RASGEF1C: variants seen among roughly 807,000 people sequenced by gnomAD.
RASGEF1C encodes RasGEF domain family member 1C.
A neutral mutation model predicts 58.1 loss-of-function variants in RASGEF1C; 27 were observed. The observed-to-expected ratio is 0.46, with a 90% CI of 0.34 to 0.64. The LOEUF (loss-of-function observed/expected upper bound fraction) is 0.64, where lower values mean the gene tolerates loss of function less well. Among genes scored for constraint, RASGEF1C ranks in the 30% least tolerant of loss-of-function variants. The pLI is 0.01. For synonymous variants in RASGEF1C, 243 were observed against 246.3 expected (o/e 0.99, Z 0.13); for missense variants, 502 against 605.1 (o/e 0.83, Z 1.79).
chr5:180,127,665 C>G lies in RASGEF1C; in HGVS notation c.658G>C (p.Gly220Arg), dbSNP rs1259501131. 6.2e-7 allele frequency: 1 copy of G among 1,612,864 alleles called. No individual in the cohort carries two copies. The highest frequency in any genetic ancestry group is 8.5e-7 in the Non-Finnish European group (1 of 1,179,678). Reference protein sequence around the residue: ...HVELERLRHIGPEEFVQAFVN... With the variant: ...HVELERLRHIRPEEFVQAFVN... ...AAGGCCTGGACAAACTCCTCAGGCC[C>G]GATGTGCCGCAGCCGCTCCTGCAGG... The change falls in exon 6 of 14, where the codon GGG becomes CGG. Residue 220 changes from glycine (G) to arginine (R), a missense_variant. Coordinates refer to ENST00000361132, the MANE Select transcript of RASGEF1C (RefSeq NM_175062.4).
At position 180,136,493 on chromosome 5, in the gene RASGEF1C, G is replaced by C; in HGVS notation, c.323C>G (p.Pro108Arg). ...LDKARVRKFG[P>R]KLLQLLAEWT... The stretch of plus-strand genomic sequence containing the variant: ...CTCGGCCAACAGCTGCAGCAGTTTG[G>C]GGCCGAACTTCCGGACCCGGGCCTA... The change falls in exon 4 of 14, where the codon CCC becomes CGC. Residue 108 changes from proline to arginine, a missense_variant. Coordinates refer to ENST00000361132, the MANE Select transcript of RASGEF1C (RefSeq NM_175062.4). The C allele has an allele frequency of 6.4e-7, 1 of 1,571,088 alleles. No homozygotes were observed. Among genetic ancestry groups the C allele is most frequent in the East Asian group, 2.3e-5 (1 of 42,824 alleles).
chr5:180,208,138 A>C (rs1756523126), intron 1 of RASGEF1C, among the ~76,000 whole-genome samples: 1 of 151,976 alleles, frequency 6.6e-6, no homozygotes, highest in Non-Finnish European at 1.5e-5. Flanking sequence ...GTCTTACCAG[A>C]GGTGGGACCC....
chr5:180,202,795 C>T (rs928061008), intron 1 of RASGEF1C, among the ~76,000 whole-genome samples: 5 of 151,866 alleles, frequency 3.3e-5, no homozygotes, highest in Admixed American at 6.6e-5. Context: ...CTCCGCCTCC[C>T]GGGTTCACGC....
chr5:180,179,482 G>A (rs1360023213), intron 1 of RASGEF1C, among the ~76,000 whole-genome samples: 1 of 152,150 alleles, frequency 6.6e-6, no homozygotes, highest in African/African-American at 2.4e-5. Flanking sequence ...CCAGGACAGG[G>A]GCGTGAAGGC....
intron 4 of RASGEF1C, 48 bp from the exon 5 acceptor site, chr5:180,128,658 ATC>A (rs1306777327): frequency 6.4e-7 from 1 of 1,570,194 alleles, no homozygotes; most frequent in Non-Finnish European, 8.7e-7. Context: ...TCATCTCTGC[ATC>A]TCTAACACTG....
At chr5:180,117,213 ACT>A (rs1384134024) in intron 10 of RASGEF1C, among the ~76,000 whole-genome samples, 1 of 152,132 alleles carries the variant, frequency 6.6e-6, no homozygotes, top group African/African-American at 2.4e-5. Context: ...TCACTGACAC[ACT>A]CACAGCCTGA....
Position 180,152,619 on chromosome 5 carries a change from C to T in RASGEF1C, c.-6-14561G>A, listed in dbSNP as rs10479564. The stretch of plus-strand genomic sequence containing the variant: ...AGGAGATATACCTAACGTTAAATGA[C>T]GAGTTAATGGGTGCAGCACACCAAC... On this transcript the variant is annotated intron_variant, in intron 1 of 13. Transcript: ENST00000361132. Among the ~76,000 whole-genome samples, 164 of 143,278 alleles carry T rather than the reference C, an allele frequency of 1.1e-3. 1 individual carries two copies. Among genetic ancestry groups the T allele is most frequent in the African/African-American group, 3.6e-3 (135 of 37,586 alleles). The allele number at this position is 143,278 out of a possible 152,430, so 94.0% of individuals were successfully genotyped here. A position where few individuals can be genotyped will look rare whatever the true frequency, so the allele number is the denominator to read the frequency against.
At position 180,155,266 on chromosome 5, in the gene RASGEF1C, C is replaced by T. The variant is rs1766831207; in HGVS notation, c.-6-17208G>A. Among the ~76,000 whole-genome samples, 1 of 152,190 alleles carries T rather than the reference C, an allele frequency of 6.6e-6. No individual in the cohort carries two copies. Among genetic ancestry groups the T allele is most frequent in the Non-Finnish European group, 1.5e-5 (1 of 68,038 alleles). On this transcript the variant is annotated intron_variant, in intron 1 of 13. Transcript: ENST00000361132. The surrounding 1 kb of genome is among the most constrained non-coding windows in gnomAD (Gnocchi z 5.2). The stretch of plus-strand genomic sequence containing the variant: ...TCTAGGCTCTGAAAGCCTCTGTGGT[C>T]CTCCTTTTCTCTCTCCTTGGAAGAG...
At chr5:180,204,481 T>A (rs1477872237) in intron 1 of RASGEF1C, among the ~76,000 whole-genome samples, 1 of 152,198 alleles carries the variant, frequency 6.6e-6, no homozygotes, top group Non-Finnish European at 1.5e-5. Context: ...TATTGGGAAA[T>A]CCATCACATG....
intron 1 of RASGEF1C, among the ~76,000 whole-genome samples, chr5:180,144,492 A>G (rs1766634764): frequency 6.6e-6 from 1 of 152,154 alleles, no homozygotes; most frequent in South Asian, 2.1e-4. Context: ...TTTAAAAATT[A>G]GGTTGACGTA....
chr5:180,161,640 G>A (rs1766947418), intron 1 of RASGEF1C, among the ~76,000 whole-genome samples: 1 of 152,236 alleles, frequency 6.6e-6, no homozygotes, highest in South Asian at 2.1e-4. Context: ...GCCCGAGAGG[G>A]GGAGCAGGTG....
rs1246255879 is a variant in RASGEF1C, at chr5:180,143,209, C to T, written c.-6-5151G>A. On this transcript the variant is annotated intron_variant, in intron 1 of 13. Coordinates refer to ENST00000361132, the MANE Select transcript of RASGEF1C (RefSeq NM_175062.4). This position sits in a 1 kb window ranked among gnomAD's most constrained non-coding sequence, Gnocchi z 4.3. ...CACCCTGCAGGGGGGCACTCTGATG[C>T]CTGCCAGCACCCAGCTGGGCATCCT... 1.3e-5 allele frequency among the ~76,000 whole-genome samples: 2 copies of T among 152,184 alleles called. No individual in the cohort carries two copies. Among genetic ancestry groups the T allele is most frequent in the African/African-American group, 4.8e-5 (2 of 41,450 alleles).
intron 1 of RASGEF1C, among the ~76,000 whole-genome samples, chr5:180,169,808 AAGCCCGCCTCTCTGGCCC>A (rs1414268108): frequency 1.3e-4 from 3 of 23,182 alleles, no homozygotes; most frequent in African/African-American, 2.1e-4. Flanking sequence ...ATGGGGCTCC[AAGCCCGCCTCTCTGGCCC>A]AGCCTCAGTT....
Position 180,111,592 on chromosome 5 carries a change from A to T in RASGEF1C, c.1180-12T>A, listed in dbSNP as rs1455337775. 6.2e-7 allele frequency: 1 copy of T among 1,613,962 alleles called. No homozygotes were observed. Among genetic ancestry groups the T allele is most frequent in the Non-Finnish European group, 8.5e-7 (1 of 1,179,966 alleles). ...AGCTCCAGGAATTTCTGCCAGGGTC[A>T]CAGAGACACAGAATGGAGGCACTCC... On this transcript the variant is annotated splice_polypyrimidine_tract_variant and intron_variant, in intron 11 of 13. Coordinates refer to ENST00000361132, the MANE Select transcript of RASGEF1C (RefSeq NM_175062.4).
Position 180,198,176 on chromosome 5 carries a change from G to A in RASGEF1C, c.-7+10852C>T, listed in dbSNP as rs1756314211. Among the ~76,000 whole-genome samples the A allele has an allele frequency of 6.6e-6, 1 of 152,236 alleles. No individual in the cohort carries two copies. Reference sequence around the variant, plus strand: ...TAAGGCCCTAAGGAAACTGGAAACAGGCAGGACAAAAGCGCACCCTTCTGC... The same window carrying A: ...TAAGGCCCTAAGGAAACTGGAAACAAGCAGGACAAAAGCGCACCCTTCTGC... On this transcript the variant is annotated intron_variant, in intron 1 of 13. Transcript: ENST00000361132. This position sits in a 1 kb window ranked among gnomAD's most constrained non-coding sequence, Gnocchi z 4.5.
intron 1 of RASGEF1C, among the ~76,000 whole-genome samples, chr5:180,142,421 C>T (rs1281150809): frequency 2.6e-5 from 4 of 152,120 alleles, no homozygotes; most frequent in African/African-American, 4.8e-5. Flanking sequence ...GTACCAAGAG[C>T]GTTATGTTCT....
chr5:180,170,472 A>T (rs542150410), intron 1 of RASGEF1C, among the ~76,000 whole-genome samples: 1 of 152,312 alleles, frequency 6.6e-6, no homozygotes, highest in African/African-American at 2.4e-5. Flanking sequence ...GTAGCGTCTC[A>T]TTCAACTCCC....
intron 4 of RASGEF1C, among the ~76,000 whole-genome samples, chr5:180,134,392 C>G (rs999795297): frequency 4.6e-5 from 7 of 152,000 alleles, no homozygotes; most frequent in Non-Finnish European, 1.0e-4. Context: ...GGGCTTACCC[C>G]AGCCCCACCA....
Position 180,143,585 on chromosome 5 carries a change from G to A in RASGEF1C, c.-6-5527C>T, listed in dbSNP as rs1766617170. ...CAAGCTCTGCTGTGCTCTGGGAGCT[G>A]GCGTGCTCAGACCTTCCTGGTGTAA... On this transcript the variant is annotated intron_variant, in intron 1 of 13. Transcript: ENST00000361132. This position sits in a 1 kb window ranked among gnomAD's most constrained non-coding sequence, Gnocchi z 4.3. Among the ~76,000 whole-genome samples the A allele has an allele frequency of 6.6e-6, 1 of 152,216 alleles. No homozygotes were observed.
Sources: gnomAD v4.1 joint callset for allele counts (sites outside exome capture counted in the v4.1 genomes callset) on GRCh38, gnomAD v4.1.1 for gene constraint, Gnocchi (gnomAD v3.1) non-coding constraint, MANE v1.5 for transcripts, NCBI Gene and HGNC (gene_info 2026-07-23, HGNC 2026-07-21) for gene names.